DLC1: variants seen among roughly 807,000 people sequenced by gnomAD.
DLC1 encodes DLC1 Rho GTPase activating protein, also known as rho GTPase-activating protein 7.
DLC1 carries 54 observed loss-of-function variants against 140.3 expected under a neutral mutation model. The ratio of observed to expected loss-of-function variants is 0.38; its 90% CI spans 0.31 to 0.48. The LOEUF is 0.48. DLC1 is among the 20% of genes least tolerant of loss of function. DLC1 has a pLI of 0.96. For synonymous variants in DLC1, 986 were observed against 728.1 expected, an observed-to-expected ratio of 1.35 and a Z score of -5.70; for missense variants, 2,536 against 1,907.0, an observed-to-expected ratio of 1.33 and a Z score of -6.14.
rs1437457819 is a variant in DLC1, at chr8:13,098,392, CT to C, written c.3167+6del. The C allele has an allele frequency of 6.2e-7, 1 of 1,613,666 alleles. No homozygotes were observed. The highest frequency in any genetic ancestry group is 2.2e-5 in the East Asian group (1 of 44,888). The stretch of plus-strand genomic sequence containing the variant: ...AACGACAGTTGACTGATCATTTAAA[CT>C]CTTACCAGCTAAAACCATGCTTGTT... On this transcript the variant is annotated splice_donor_region_variant and intron_variant, in intron 10 of 17. Transcript: ENST00000276297.
intron 14 of DLC1, among the ~76,000 whole-genome samples, chr8:13,090,976 T>A (rs1023286841): frequency 7.2e-5 from 11 of 151,934 alleles, no homozygotes; most frequent in African/African-American, 2.4e-4. Context: ...GGCTAATTTT[T>A]AAATTTTTTT....
At chr8:13,273,593 A>C (rs1831039040) in intron 5 of DLC1, among the ~76,000 whole-genome samples, 1 of 152,078 alleles carries the variant, frequency 6.6e-6, no homozygotes, top group Non-Finnish European at 1.5e-5. Flanking sequence ...AATAACAGAC[A>C]GGCTCCCTGT....
At position 13,452,105 on chromosome 8, in the gene DLC1, T is replaced by G. The variant is rs572226570; in HGVS notation, c.1023+46944A>C. Among the ~76,000 whole-genome samples the G allele has an allele frequency of 2.0e-5, 3 of 152,114 alleles. No individual in the cohort carries two copies. In the East Asian group the frequency reaches 5.8e-4, roughly 29 times the overall value. ...ATTTGAGAGATAGTCTTTTAAAATC[T>G]TATATAAAAGATGCAATAAAACTAG... On this transcript the variant is annotated intron_variant, in intron 2 of 17. Coordinates refer to ENST00000276297, the MANE Select transcript of DLC1 (RefSeq NM_182643.3).
intron 4 of DLC1, among the ~76,000 whole-genome samples, chr8:13,356,394 C>T (rs1586197790): frequency 1.3e-5 from 2 of 151,970 alleles, no homozygotes; most frequent in South Asian, 2.1e-4. Flanking sequence ...AAGCCGTTTA[C>T]AGTTTGCCTC....
intron 3 of DLC1, among the ~76,000 whole-genome samples, chr8:13,399,536 C>T (rs1186941906): frequency 6.6e-6 from 1 of 152,172 alleles, no homozygotes; most frequent in Non-Finnish European, 1.5e-5. Flanking sequence ...TAGTCTTGAT[C>T]TGATCCCCTA....
intron 5 of DLC1, among the ~76,000 whole-genome samples, chr8:13,222,332 T>G (rs1410077558): frequency 2.0e-5 from 3 of 152,148 alleles, no homozygotes; most frequent in East Asian, 1.9e-4. Flanking sequence ...GTCAATAGAT[T>G]ATTCTGTATT....
chr8:13,438,890 G>A (rs1212870472), intron 2 of DLC1, among the ~76,000 whole-genome samples: 2 of 152,158 alleles, frequency 1.3e-5, no homozygotes, highest in Non-Finnish European at 2.9e-5. Context: ...TTCCATAAAG[G>A]ACTGAAGTGT....
chr8:13,530,694 A>G (rs1486574378), intron 1 of DLC1, among the ~76,000 whole-genome samples: 1 of 152,188 alleles, frequency 6.6e-6, no homozygotes, highest in East Asian at 1.9e-4. Context: ...ATCAGATGAC[A>G]TATTGTTCCA....
chr8:13,184,402 T>A (rs1826224426), intron 5 of DLC1, among the ~76,000 whole-genome samples: 1 of 152,236 alleles, frequency 6.6e-6, no homozygotes, highest in Non-Finnish European at 1.5e-5. Context: ...CGGTGTCAAT[T>A]TTAGATCTTT....
chr8:13,294,613 T>C lies in DLC1; in HGVS notation c.1348+10656A>G, dbSNP rs552850745. Among the ~76,000 whole-genome samples, 3 of 152,238 alleles carry C rather than the reference T, an allele frequency of 2.0e-5. No homozygotes were observed. The East Asian group carries it at 5.8e-4, about 29-fold the overall frequency. On this transcript the variant is annotated intron_variant, in intron 5 of 17. Transcript: ENST00000276297. ...AACTTCAGGAGAAAAGTGAGGTTGT[T>C]ACCATGACTACAGAGGAAGGTGCGT...
intron 1 of DLC1, among the ~76,000 whole-genome samples, chr8:13,575,795 A>C (rs572620273): frequency 6.6e-6 from 1 of 152,216 alleles, no homozygotes; most frequent in East Asian, 1.9e-4. Flanking sequence ...TATTTTGAGA[A>C]GTAAAATGAG....
chr8:13,512,663 G>T (rs1802430329), intron 1 of DLC1, among the ~76,000 whole-genome samples: 1 of 152,098 alleles, frequency 6.6e-6, no homozygotes, highest in African/African-American at 2.4e-5. Context: ...AGGATGCCTG[G>T]GGGTGGTGCT....
intron 5 of DLC1, among the ~76,000 whole-genome samples, chr8:13,158,009 T>C (rs1444025040): frequency 1.3e-5 from 2 of 152,258 alleles, no homozygotes; most frequent in Non-Finnish European, 2.9e-5. Context: ...ATTTCAGGGT[T>C]TGGAACTTGT....
At chr8:13,498,281 C>G (rs1801608228) in intron 2 of DLC1, among the ~76,000 whole-genome samples, 1 of 152,156 alleles carries the variant, frequency 6.6e-6, no homozygotes, top group Non-Finnish European at 1.5e-5. Context: ...ATAGAAAAGA[C>G]AGGTTTTGGT....
At chr8:13,573,537 T>C (rs1804738062) in intron 1 of DLC1, among the ~76,000 whole-genome samples, 1 of 152,210 alleles carries the variant, frequency 6.6e-6, no homozygotes, top group African/African-American at 2.4e-5. Flanking sequence ...TTCCTGATCT[T>C]AGGGAAGAAC....
At chr8:13,385,473 T>C (rs73551552) in intron 4 of DLC1, among the ~76,000 whole-genome samples, 3,683 of 152,224 alleles carry the variant, frequency 0.024, 133 homozygotes, top group African/African-American at 0.081. Flanking sequence ...GTTGATTGAT[T>C]TAAAAATAAA....
chr8:13,526,524 A>G (rs1174719038), intron 1 of DLC1, among the ~76,000 whole-genome samples: 3 of 152,144 alleles, frequency 2.0e-5, no homozygotes. Context: ...ATTCTTTGTC[A>G]GAATTATCTC....
chr8:13,388,100 T>C (rs289521), intron 4 of DLC1, among the ~76,000 whole-genome samples: 100,178 of 151,814 alleles, frequency 0.66, 33,472 homozygotes, highest in East Asian at 0.9. Context: ...AGTTGATTAA[T>C]AAATTCCAGA....
chr8:13,427,011 C>G (rs934732984), intron 2 of DLC1, among the ~76,000 whole-genome samples: 1 of 152,088 alleles, frequency 6.6e-6, no homozygotes, highest in African/African-American at 2.4e-5. Flanking sequence ...GCAGGTGTGG[C>G]CCATTTTTCA....
Sources: gnomAD v4.1 joint callset for allele counts (sites outside exome capture counted in the v4.1 genomes callset) on GRCh38, gnomAD v4.1.1 for gene constraint, MANE v1.5 for transcripts, NCBI Gene and HGNC (gene_info 2026-07-23, HGNC 2026-07-21) for gene names.